The following GLE1 variants were observed in gnomAD, a reference collection of about 807,000 sequenced individuals.
The protein encoded by GLE1 is mRNA export factor GLE1.
Under a neutral mutation model 97.3 loss-of-function variants are expected in GLE1, and 78 were observed. That is an observed-to-expected ratio of 0.80 (90% CI 0.67 to 0.97). The LOEUF is 0.97. GLE1 is among the 50% of genes least tolerant of loss of function. The probability of loss-of-function intolerance (pLI) is 0.00; values close to 1 mark genes in which losing one functional copy is unlikely to be tolerated. For synonymous variants in GLE1, 302 were observed against 313.4 expected (o/e 0.96, Z 0.39); for missense variants, 753 against 857.5 (o/e 0.88, Z 1.52).
intron 1 of GLE1, 93 bp downstream of exon 1, chr9:128,504,997 C>T: frequency 1.2e-6 from 1 of 814,230 alleles, no homozygotes; most frequent in Non-Finnish European, 2.1e-6. Context: ...CCCGGGAACC[C>T]GTGCAGTCTA....
At chr9:128,538,710 C>T (rs949956172) in intron 13 of GLE1, among the ~76,000 whole-genome samples, 6 of 152,112 alleles carry the variant, frequency 3.9e-5, no homozygotes, top group Non-Finnish European at 8.8e-5. Flanking sequence ...GCAGGAGAAT[C>T]GCTTGAACAG....
chr9:128,537,495 A>G (rs1390662863), intron 12 of GLE1, among the ~76,000 whole-genome samples: 2 of 151,110 alleles, frequency 1.3e-5, no homozygotes, highest in Non-Finnish European at 2.9e-5. Flanking sequence ...GTGGGAACCA[A>G]TGTACTGAAA....
intron 13 of GLE1, among the ~76,000 whole-genome samples, chr9:128,539,243 T>A (rs1326559583): frequency 5.3e-5 from 8 of 151,970 alleles, no homozygotes; most frequent in Admixed American, 5.3e-4. Flanking sequence ...CAAAAAAAAA[T>A]AAAAAGCTCC....
At chr9:128,535,234 G>T (rs1338890256) in intron 11 of GLE1, among the ~76,000 whole-genome samples, 1 of 151,486 alleles carries the variant, frequency 6.6e-6, no homozygotes, top group Non-Finnish European at 1.5e-5. Flanking sequence ...GGTGTTGGCT[G>T]GGCGCGGTGG....
chr9:128,523,760 C>T lies in GLE1; in HGVS notation c.811C>T (p.Leu271=), dbSNP rs759899967. The T allele has an allele frequency of 2.5e-6, 4 of 1,614,078 alleles. No homozygotes were observed. The South Asian group carries it at 4.4e-5, about 18-fold the overall frequency. The change falls in exon 6 of 16, where the codon CTG becomes TTG. Residue 271 remains leucine (L), a synonymous_variant. Coordinates refer to ENST00000309971, the MANE Select transcript of GLE1 (RefSeq NM_001003722.2). ...QLDASEQHKA[L]LKVDLAAFQT... ...GGATGCCTCTGAGCAGCACAAAGCCCTGCTTAAGGTCGACCTGGCTGCCTT... is the reference window on the plus strand; with the variant it reads ...GGATGCCTCTGAGCAGCACAAAGCCTTGCTTAAGGTCGACCTGGCTGCCTT...
chr9:128,527,042 A>G, intron 7 of GLE1, 137 bp from the exon 8 acceptor site: 1 of 686,122 alleles, frequency 1.5e-6, no homozygotes, highest in Non-Finnish European at 2.7e-6. Context: ...AATGGAGATA[A>G]TAATAGTATC....
chr9:128,529,208 G>T (rs1039560727), intron 9 of GLE1, among the ~76,000 whole-genome samples: 1 of 152,172 alleles, frequency 6.6e-6, no homozygotes, highest in African/African-American at 2.4e-5. Flanking sequence ...TCCACACCTC[G>T]ATGGCCGTTC....
chr9:128,514,011 C>T (rs146146477), intron 2 of GLE1, among the ~76,000 whole-genome samples: 6,998 of 136,062 alleles, frequency 0.051, 293 homozygotes, highest in East Asian at 0.17. Flanking sequence ...GAGTGAGACT[C>T]CATCTCAAAA....
chr9:128,523,712 A>G lies in GLE1; in HGVS notation c.763A>G (p.Met255Val), dbSNP rs772171395. 3 of 1,614,124 alleles carry G rather than the reference A, an allele frequency of 1.9e-6. No homozygotes were observed. The South Asian group carries it at 3.3e-5, about 18-fold the overall frequency. The change falls in exon 6 of 16, where the codon ATG becomes GTG. Residue 255 changes from methionine to valine, a missense_variant. Transcript: ENST00000309971. The stretch of plus-strand genomic sequence containing the variant: ...GGCCCTCTATGCTCTGCAGGAGGAG[A>G]TGCTGCAGCTCAGCCAGCAGCTGGA... ...LRALYALQEE[M>V]LQLSQQLDAS... is the part of the protein sequence containing the mutation.
chr9:128,511,003 T>C (rs959310180), intron 2 of GLE1, among the ~76,000 whole-genome samples: 3 of 150,622 alleles, frequency 2.0e-5, no homozygotes, highest in African/African-American at 7.3e-5. Flanking sequence ...AGATCAGTAG[T>C]TCGAGAGCAG....
intron 11 of GLE1, among the ~76,000 whole-genome samples, chr9:128,534,683 GTAA>G (rs571951295): frequency 2.2e-4 from 33 of 151,670 alleles, no homozygotes; most frequent in Non-Finnish European, 4.3e-4. Context: ...TTCTACAGAT[GTAA>G]TAATATGTAA....
chr9:128,519,488 C>A (rs1267091202), intron 3 of GLE1, among the ~76,000 whole-genome samples: 1 of 152,150 alleles, frequency 6.6e-6, no homozygotes, highest in African/African-American at 2.4e-5. Context: ...GTGACATAGA[C>A]CCCAGTCTCC....
intron 3 of GLE1, among the ~76,000 whole-genome samples, chr9:128,516,366 C>CTG (rs1846987505): frequency 6.6e-6 from 1 of 152,170 alleles, no homozygotes. Flanking sequence ...GTTGCCCAGG[C>CTG]TGTAGTACAG....
At chr9:128,523,142 G>T in intron 4 of GLE1, 138 bp from the exon 5 acceptor site, 1 of 770,354 alleles carries the variant, frequency 1.3e-6, no homozygotes. Flanking sequence ...TCTGCAGCCT[G>T]GGCAACATAA....
intron 1 of GLE1, among the ~76,000 whole-genome samples, chr9:128,505,444 T>C (rs1846614072): frequency 6.6e-6 from 1 of 152,180 alleles, no homozygotes; most frequent in Non-Finnish European, 1.5e-5. Context: ...GCTAGTTAGC[T>C]ACAGATAAGG....
intron 3 of GLE1, among the ~76,000 whole-genome samples, chr9:128,520,222 C>T (rs1409760291): frequency 6.6e-6 from 1 of 151,400 alleles, no homozygotes; most frequent in Non-Finnish European, 1.5e-5. Flanking sequence ...TGCACTCCAG[C>T]CTGGGTGACA....
At chr9:128,540,816 C>G (rs1257517406) in intron 15 of GLE1, 1 of 459,780 alleles carries the variant, frequency 2.2e-6, no homozygotes, top group African/African-American at 2.0e-5. Flanking sequence ...GACTTTTCAG[C>G]TTCTCAAAGC....
chr9:128,507,580 T>C (rs1237007217), intron 1 of GLE1, among the ~76,000 whole-genome samples: 1 of 140,912 alleles, frequency 7.1e-6, no homozygotes, highest in African/African-American at 2.7e-5. Context: ...TGAGAGCCTG[T>C]CTCTCAAAAA....
In GLE1 at chr9:128,509,085, A is replaced by G. The variant is rs760226671; in HGVS notation, c.309A>G (p.Pro103=). Residue 103 remains proline, a synonymous_variant, in exon 2 of 16, where the codon CCA becomes CCG. Transcript: ENST00000309971. ...TTTCCCCAGCCTCCCCTGCAACACCAAATGGAACCAAGGTAAGGTTGTGAT... is the reference window on the plus strand; with the variant it reads ...TTTCCCCAGCCTCCCCTGCAACACCGAATGGAACCAAGGTAAGGTTGTGAT... ...SAFSPASPAT[P]NGTKGKDESQ... The G allele has an allele frequency of 6.3e-7, 1 of 1,598,946 alleles. No individual in the cohort carries two copies.
Sources: gnomAD v4.1 joint callset for allele counts (sites outside exome capture counted in the v4.1 genomes callset) on GRCh38, gnomAD v4.1.1 for gene constraint, MANE v1.5 for transcripts, NCBI Gene and HGNC (gene_info 2026-07-23, HGNC 2026-07-21) for gene names.